KIAA0930: variants seen among roughly 807,000 people sequenced by gnomAD.
The protein encoded by KIAA0930 is KIAA0930.
KIAA0930 carries 24 observed loss-of-function variants against 43.9 expected under a neutral mutation model. The ratio of observed to expected loss-of-function variants is 0.55; its 90% CI spans 0.40 to 0.77. The LOEUF (loss-of-function observed/expected upper bound fraction) is 0.77, where lower values mean the gene tolerates loss of function less well. Ranked by LOEUF, KIAA0930 falls within the 30% of genes least tolerant of loss-of-function variation. KIAA0930 has a pLI of 0.00. For missense variants in KIAA0930, 461 were observed against 574.2 expected, an observed-to-expected ratio of 0.80 and a Z score of 2.02; for synonymous variants, 259 against 216.4, an observed-to-expected ratio of 1.20 and a Z score of -1.73.
chr22:45,213,259 C>CCCTCAGG, intron 1 of KIAA0930: 1 of 1,242,368 alleles, frequency 8.0e-7, no homozygotes, highest in African/African-American at 1.5e-5. Context: ...CAGCCCTCGG[C>CCCTCAGG]CCTCAGCCCT....
intron 9 of KIAA0930, 30 bp downstream of exon 9, chr22:45,197,760 C>T (rs967274298): frequency 1.1e-5 from 17 of 1,610,242 alleles, no homozygotes; most frequent in African/African-American, 4.0e-5. Flanking sequence ...TGAGAAGGTG[C>T]GGCTGCTTCC....
chr22:45,228,769 C>CTCCA lies in KIAA0930; in HGVS notation c.64+11870_64+11871insTGGA, dbSNP rs1569083690. ...ACCACCACTCACCCGAAAGATCCCT[C>CTCCA]CCCATCCCCCCCAACCACCAAACAC... On this transcript the variant is annotated intron_variant, in intron 1 of 9. Transcript: ENST00000336156. Among the ~76,000 whole-genome samples the CTCCA allele has an allele frequency of 9.8e-3, 192 of 19,552 alleles. 43 individuals carry two copies. Among genetic ancestry groups the CTCCA allele is most frequent in the South Asian group, 0.029 (8 of 278 alleles). The allele number at this position is 19,552 out of a possible 152,430, so 12.8% of individuals were successfully genotyped here.
intron 1 of KIAA0930, among the ~76,000 whole-genome samples, chr22:45,231,238 A>T (rs1006074718): frequency 4.0e-5 from 6 of 151,848 alleles, no homozygotes; most frequent in Admixed American, 6.6e-5. Context: ...AAAAAAAAAA[A>T]AAGAAAGAAA....
intron 1 of KIAA0930, among the ~76,000 whole-genome samples, chr22:45,232,116 CCAG>C (rs1395961342): frequency 2.6e-5 from 4 of 152,156 alleles, no homozygotes; most frequent in African/African-American, 9.7e-5. Context: ...CCACCTCACC[CCAG>C]GTCCACCTAT....
intron 1 of KIAA0930, chr22:45,213,197 G>A (rs1001308112): frequency 3.9e-6 from 3 of 769,546 alleles, no homozygotes; most frequent in Non-Finnish European, 5.6e-6. Context: ...CCCCAGCCTT[G>A]GTTGACGTCA....
At chr22:45,220,190 C>T (rs943702375) in intron 1 of KIAA0930, among the ~76,000 whole-genome samples, 6 of 152,180 alleles carry the variant, frequency 3.9e-5, no homozygotes, top group Middle Eastern at 3.4e-3. Flanking sequence ...CAGAGGCTCA[C>T]GTCTGTAATC....
Position 45,203,111 on chromosome 22 carries a change from C to G in KIAA0930, c.731G>C (p.Arg244Pro), listed in dbSNP as rs369518786. ...FYKYSNMEFVRMKGPQGKGHA... is the reference protein window; with the variant it reads ...FYKYSNMEFVPMKGPQGKGHA... ...GCCCTTGCCCTGGGGGCCCTTCATG[C>G]GCACAAACTCCATGTTGCTGTACTT... The change falls in exon 7 of 10, where the codon CGC becomes CCC. Residue 244 changes from arginine (R) to proline (P), a missense_variant. Arg to Pro is a moderately radical substitution (Grantham distance 103). Coordinates refer to ENST00000336156, the MANE Select transcript of KIAA0930 (RefSeq NM_001009880.2). The G allele has an allele frequency of 5.5e-5, 88 of 1,613,636 alleles. No homozygotes were observed. Among genetic ancestry groups the G allele is most frequent in the Non-Finnish European group, 7.1e-5 (84 of 1,179,846 alleles).
At chr22:45,203,810 C>T (rs1488646120) in intron 6 of KIAA0930, 35 bp downstream of exon 6, 1 of 1,608,396 alleles carries the variant, frequency 6.2e-7, no homozygotes, top group Admixed American at 1.7e-5. Flanking sequence ...GTCCCCGGGC[C>T]CAGAAGAACA....
chr22:45,198,876 C>G (rs2083560856), intron 8 of KIAA0930, among the ~76,000 whole-genome samples: 1 of 152,188 alleles, frequency 6.6e-6, no homozygotes. Context: ...GTCTCGAACT[C>G]CTGACCTCAG....
Position 45,205,774 on chromosome 22 carries a change from C to CCCA in KIAA0930, c.336+18_336+19insTGG. The CCCA allele has an allele frequency of 9.1e-7, 1 of 1,096,310 alleles. No individual in the cohort carries two copies. The highest frequency in any genetic ancestry group is 1.4e-6 in the Non-Finnish European group (1 of 729,382). 67.9% of individuals were successfully genotyped at this position (1,096,310 alleles called of 1,614,324 possible). A position where few individuals can be genotyped will look rare whatever the true frequency, so the allele number is the denominator to read the frequency against. On this transcript the variant is annotated intron_variant, in intron 3 of 9. Coordinates refer to ENST00000336156, the MANE Select transcript of KIAA0930 (RefSeq NM_001009880.2). ...ATCCCACAGGGCCAATCCGCAGCCC[C>CCCA]ACCCATCCCACCCCATACCTTCTGC...
At position 45,192,960 on chromosome 22, in the gene KIAA0930, CA is replaced by C. The variant is rs1264531325; in HGVS notation, c.*4215del. The stretch of plus-strand genomic sequence containing the variant: ...CAGCAGGTGCCCATCACCCGGCTCC[CA>C]GGGGTCATCTGCAGAGTCACGTGGC... On this transcript the variant is annotated 3_prime_UTR_variant, in exon 10 of 10. Coordinates refer to ENST00000336156, the MANE Select transcript of KIAA0930 (RefSeq NM_001009880.2). 2.6e-5 allele frequency: 4 copies of C among 152,408 alleles called. No homozygotes were observed. The highest frequency in any genetic ancestry group is 3.9e-4 in the East Asian group (2 of 5,176). The allele number at this position is 152,408 out of a possible 1,614,324, so 9.4% of individuals were successfully genotyped here. A position where few individuals can be genotyped will look rare whatever the true frequency, so the allele number is the denominator to read the frequency against.
In KIAA0930 at chr22:45,203,998, A is replaced by G; in HGVS notation, c.517-13T>C. The G allele has an allele frequency of 1.2e-6, 2 of 1,613,618 alleles. No individual in the cohort carries two copies. Among genetic ancestry groups the G allele is most frequent in the African/African-American group, 1.3e-5 (1 of 74,982 alleles). ...TGTCGCTGAACACCTGGGCCAGGAC[A>G]CAAAGAGACAGGGACGTGACCATCA... On this transcript the variant is annotated splice_polypyrimidine_tract_variant and intron_variant, in intron 5 of 9. Transcript: ENST00000336156.
intron 2 of KIAA0930, among the ~76,000 whole-genome samples, chr22:45,211,740 G>A (rs1271626439): frequency 6.6e-6 from 1 of 152,232 alleles, no homozygotes; most frequent in Admixed American, 6.5e-5. Flanking sequence ...GGGTCACAGT[G>A]AAGATGAATG....
At chr22:45,212,804 GCGCTGC>G (rs1400436643) in intron 1 of KIAA0930, among the ~76,000 whole-genome samples, 3 of 152,268 alleles carry the variant, frequency 2.0e-5, no homozygotes, top group Admixed American at 1.3e-4. Flanking sequence ...TTCCATTCCA[GCGCTGC>G]CGCTGGTGAT....
chr22:45,212,270 G>A (rs775439774), intron 1 of KIAA0930, 163 bp from the exon 2 acceptor site: 1 of 1,613,306 alleles, frequency 6.2e-7, no homozygotes, highest in African/African-American at 1.3e-5. Flanking sequence ...CCCACCCATG[G>A]AGCATCCAGA....
rs763114427 is a variant in KIAA0930 at position 45,197,810 on chromosome 22, G to A, written c.1154C>T (p.Pro385Leu). 6 of 1,614,084 alleles carry A rather than the reference G, an allele frequency of 3.7e-6. No homozygotes were observed. Among genetic ancestry groups the A allele is most frequent in the Non-Finnish European group, 5.1e-6 (6 of 1,180,040 alleles). Residue 385 changes from proline (P) to leucine (L), a missense_variant, in exon 9 of 10, where the codon CCG becomes CTG. By Grantham distance (98) the Pro-to-Leu change is moderately conservative. Coordinates refer to ENST00000336156, the MANE Select transcript of KIAA0930 (RefSeq NM_001009880.2). ...LYAHLTYVTL[P>L]LHRILTDILE... ...ATTACCTGTTAAAATCCGATGCAGC[G>A]GCAACGTGACGTAGGTTAAGTGTGC... is the stretch of plus-strand genomic sequence containing the variant.
intron 2 of KIAA0930, among the ~76,000 whole-genome samples, chr22:45,208,103 G>GTGCGCACACGGGAGCTGGGAGCT (rs2083655105): frequency 6.6e-6 from 1 of 152,118 alleles, no homozygotes; most frequent in Non-Finnish European, 1.5e-5. Context: ...CCAAAGCCAG[G>GTGCGCACACGGGAGCTGGGAGCT]CCCAAGAGGA....
At chr22:45,226,382 T>C (rs1203946835) in intron 1 of KIAA0930, 6 of 468,784 alleles carry the variant, frequency 1.3e-5, no homozygotes, top group African/African-American at 1.2e-4. Context: ...CTGCATGAGG[T>C]CCTAGGGGAC....
At chr22:45,225,317 G>C (rs1330943572) in intron 1 of KIAA0930, among the ~76,000 whole-genome samples, 1 of 152,142 alleles carries the variant, frequency 6.6e-6, no homozygotes, top group Non-Finnish European at 1.5e-5. Context: ...GAGGCACTTG[G>C]GGGAGGGGAG....
Sources: gnomAD v4.1 joint callset for allele counts (sites outside exome capture counted in the v4.1 genomes callset) on GRCh38, gnomAD v4.1.1 for gene constraint, MANE v1.5 for transcripts, NCBI Gene and HGNC (gene_info 2026-07-23, HGNC 2026-07-21) for gene names.